Variants in PEAK1 observed in about 807,000 individuals in gnomAD.
The protein encoded by PEAK1 is inactive tyrosine-protein kinase PEAK1.
PEAK1 carries 54 observed loss-of-function variants against 124.7 expected under a neutral mutation model. That is an observed-to-expected ratio of 0.43 (90% CI 0.35 to 0.54). The LOEUF (loss-of-function observed/expected upper bound fraction) is 0.54. PEAK1 is among the 20% of genes least tolerant of loss of function. The pLI is 0.01. For synonymous variants in PEAK1, 719 were observed against 760.0 expected, an observed-to-expected ratio of 0.95 and a Z score of 0.89; for missense variants, 2,046 against 2,134.5, an observed-to-expected ratio of 0.96 and a Z score of 0.82.
intron 6 of PEAK1, among the ~76,000 whole-genome samples, chr15:77,248,088 G>A (rs2060678430): frequency 6.6e-6 from 1 of 151,802 alleles, no homozygotes; most frequent in African/African-American, 2.4e-5. Context: ...TAGAGATGGG[G>A]TCCTTGCTAT....
At position 77,398,163 on chromosome 15, in the gene PEAK1, A is replaced by C. The variant is rs149558794; in HGVS notation, c.-666+21843T>G. On this transcript the variant is annotated intron_variant, in intron 1 of 9. Transcript: ENST00000682557. ...CAGGACTCAATAGCTTCACTGCTGA[A>C]TTCTACATAATATTTAAAGAAGAAC... is the stretch of plus-strand genomic sequence containing the variant. Among the ~76,000 whole-genome samples the C allele has an allele frequency of 4.8e-3, 728 of 152,348 alleles. 4 individuals carry two copies. The highest frequency in any genetic ancestry group is 0.016 in the African/African-American group (674 of 41,592).
chr15:77,254,038 C>T (rs189766178), intron 5 of PEAK1, among the ~76,000 whole-genome samples: 121 of 152,024 alleles, frequency 8.0e-4, no homozygotes, highest in African/African-American at 2.4e-3. Context: ...CAGGCTGGTC[C>T]CAAACTCCTG....
intron 1 of PEAK1, chr15:77,417,959 T>C (rs1353126167): frequency 2.1e-6 from 2 of 971,744 alleles, no homozygotes; most frequent in African/African-American, 1.8e-5. Context: ...TTACCATAAA[T>C]GTACAAAGAT....
At chr15:77,273,987 C>T (rs1567198049) in intron 5 of PEAK1, among the ~76,000 whole-genome samples, 1 of 152,222 alleles carries the variant, frequency 6.6e-6, no homozygotes, top group East Asian at 1.9e-4. Flanking sequence ...TACTTACAGT[C>T]AACTGATCTT....
rs1266223514 is a variant in PEAK1, at chr15:77,351,194, C to CA, written c.-603+13968dup. Among the ~76,000 whole-genome samples the CA allele has an allele frequency of 2.0e-5, 3 of 152,282 alleles. No homozygotes were observed. In the South Asian group the frequency reaches 6.2e-4, roughly 32 times the overall value. On this transcript the variant is annotated intron_variant, in intron 2 of 9. Coordinates refer to ENST00000682557, the MANE Select transcript of PEAK1 (RefSeq NM_001385026.1). ...GGGGAGGTGAAGAAAAAAGGCTTGT[C>CA]AGACTACCTAATATTTAACTGAGTG...
At chr15:77,173,778 T>C (rs2056669356) in intron 7 of PEAK1, among the ~76,000 whole-genome samples, 1 of 152,234 alleles carries the variant, frequency 6.6e-6, no homozygotes, top group South Asian at 2.1e-4. Flanking sequence ...TATTGTTGCT[T>C]TGGCCTACAA....
chr15:77,155,617 A>T (rs1418983886), intron 8 of PEAK1: 1 of 151,916 alleles, frequency 6.6e-6, no homozygotes, highest in Non-Finnish European at 1.5e-5. Flanking sequence ...TTGTGGTTTT[A>T]TCTACTTTTG....
intron 8 of PEAK1, among the ~76,000 whole-genome samples, chr15:77,136,325 G>A (rs2053321588): frequency 6.6e-6 from 1 of 152,174 alleles, no homozygotes; most frequent in Admixed American, 6.5e-5. Context: ...GGTGACCTAG[G>A]TGCTGTTAAA....
chr15:77,333,975 T>C (rs2066044290), intron 2 of PEAK1: 2 of 417,302 alleles, frequency 4.8e-6, no homozygotes, highest in South Asian at 1.0e-4. Flanking sequence ...TGATTAGAAT[T>C]GCATCAAATT....
chr15:77,176,315 C>G (rs1482078238), intron 7 of PEAK1, among the ~76,000 whole-genome samples: 3 of 134,986 alleles, frequency 2.2e-5, no homozygotes, highest in Non-Finnish European at 5.1e-5. Flanking sequence ...TAAAGTTTTA[C>G]ATTTTTCAAA....
rs994451676 is a variant in PEAK1 at position 77,112,839 on chromosome 15, A to G, written c.*1317T>C. The G allele has an allele frequency of 6.6e-6, 1 of 152,204 alleles. No individual in the cohort carries two copies. The highest frequency in any genetic ancestry group is 2.4e-5 in the African/African-American group (1 of 41,436). 9.4% of individuals were successfully genotyped at this position (152,204 alleles called of 1,614,324 possible). A position where few individuals can be genotyped will look rare whatever the true frequency, so the allele number is the denominator to read the frequency against. ...ATATACAGCTAAAAAAATACATACA[A>G]AAATTGCACACATATCCATAGAAGG... On this transcript the variant is annotated 3_prime_UTR_variant, in exon 10 of 10. Transcript: ENST00000682557.
At chr15:77,227,519 A>G (rs1271185969) in intron 6 of PEAK1, among the ~76,000 whole-genome samples, 2 of 152,206 alleles carry the variant, frequency 1.3e-5, no homozygotes, top group African/African-American at 4.8e-5. Context: ...CCAAATAAAT[A>G]TACAGAAAAC....
chr15:77,389,932 T>A (rs1380470711), intron 1 of PEAK1, among the ~76,000 whole-genome samples: 1 of 152,242 alleles, frequency 6.6e-6, no homozygotes, highest in African/African-American at 2.4e-5. Context: ...ATTTCATTGC[T>A]GATTTGAAAC....
In PEAK1 at chr15:77,235,629, G is replaced by A. The variant is rs116033551; in HGVS notation, c.-115+16738C>T. Among the ~76,000 whole-genome samples the A allele has an allele frequency of 7.3e-3, 1,111 of 152,336 alleles. 15 individuals are homozygous for A. The highest frequency in any genetic ancestry group is 0.025 in the African/African-American group (1,055 of 41,578). On this transcript the variant is annotated intron_variant, in intron 6 of 9. Coordinates refer to ENST00000682557, the MANE Select transcript of PEAK1 (RefSeq NM_001385026.1). ...AGACAAACCCATTTTCTGGGAATAA[G>A]TTCAAGCCAGCTGCAGAAATTTGCA...
intron 1 of PEAK1, among the ~76,000 whole-genome samples, chr15:77,408,574 G>T (rs17470952): frequency 0.21 from 31,341 of 151,602 alleles, 4,009 homozygotes; most frequent in Middle Eastern, 0.29. Context: ...TACTGCTGCA[G>T]AAACAGTTTT....
chr15:77,380,005 TA>T (rs2069342847), intron 1 of PEAK1, among the ~76,000 whole-genome samples: 1 of 152,244 alleles, frequency 6.6e-6, no homozygotes, highest in Non-Finnish European at 1.5e-5. Flanking sequence ...TTCTTTACTA[TA>T]TTTCTTTACC....
At chr15:77,384,704 A>C (rs2069778599) in intron 1 of PEAK1, among the ~76,000 whole-genome samples, 1 of 152,226 alleles carries the variant, frequency 6.6e-6, no homozygotes, top group African/African-American at 2.4e-5. Context: ...AAGTTTAAAC[A>C]ACTGTTTTCA....
rs1166778709 is a variant in PEAK1, at chr15:77,313,644, A to ATGTG, written c.-602-27141_-602-27140insCACA. On this transcript the variant is annotated intron_variant, in intron 2 of 9. Transcript: ENST00000682557. ...ACCATGCCCAGTAATGTATGTATGT[A>ATGTG]TGTATGTATGTGTGTGTGTGTGTGT... Among the ~76,000 whole-genome samples the ATGTG allele has an allele frequency of 2.4e-3, 179 of 75,332 alleles. 1 individual carries two copies. The highest frequency in any genetic ancestry group is 7.9e-3 in the South Asian group (19 of 2,414). The allele number at this position is 75,332 out of a possible 152,430, so 49.4% of individuals were successfully genotyped here.
chr15:77,361,668 G>A lies in PEAK1; in HGVS notation c.-603+3495C>T, dbSNP rs545497485. Among the ~76,000 whole-genome samples the A allele has an allele frequency of 2.0e-5, 3 of 152,226 alleles. No homozygotes were observed. In the South Asian group the frequency reaches 6.2e-4, roughly 32 times the overall value. On this transcript the variant is annotated intron_variant, in intron 2 of 9. Transcript: ENST00000682557. Reference sequence around the variant, plus strand: ...CAACCACTATGGAGAACAGCAAGGAGGTTCCTCAAAAAACTACAAATAGAA... The same window carrying A: ...CAACCACTATGGAGAACAGCAAGGAAGTTCCTCAAAAAACTACAAATAGAA...
Sources: allele counts gnomAD v4.1 joint callset (sites outside exome capture counted in the v4.1 genomes callset), GRCh38; gene constraint gnomAD v4.1.1; transcripts MANE v1.5; gene names NCBI Gene and HGNC (gene_info 2026-07-23, HGNC 2026-07-21).